The following RPH3A variants were observed in gnomAD, a reference collection of about 807,000 sequenced individuals.
RPH3A encodes the protein rabphilin 3A.
A neutral mutation model predicts 102.2 loss-of-function variants in RPH3A; 48 were observed. The observed-to-expected ratio is 0.47, with a 90% confidence interval of 0.37 to 0.60. The LOEUF (loss-of-function observed/expected upper bound fraction) is 0.60. RPH3A is among the 20% of genes least tolerant of loss of function. RPH3A has a pLI of 0.00. For missense variants in RPH3A, 781 were observed against 910.1 expected, an observed-to-expected ratio of 0.86 and a Z score of 1.83; for synonymous variants, 310 against 324.3, an observed-to-expected ratio of 0.96 and a Z score of 0.47.
intron 1 of RPH3A, among the ~76,000 whole-genome samples, chr12:112,706,045 C>G (rs1565853992): frequency 6.6e-6 from 1 of 152,194 alleles, no homozygotes; most frequent in South Asian, 2.1e-4. Flanking sequence ...CATTTCCTGA[C>G]AGTTGCATAG....
intron 1 of RPH3A, among the ~76,000 whole-genome samples, chr12:112,693,048 A>G (rs900933279): frequency 3.3e-5 from 5 of 152,234 alleles, no homozygotes; most frequent in Non-Finnish European, 7.3e-5. Flanking sequence ...GTTTCTATTC[A>G]TGAGTCTAAT....
chr12:112,779,892 C>T (rs1486789371), intron 1 of RPH3A, among the ~76,000 whole-genome samples: 1 of 152,046 alleles, frequency 6.6e-6, no homozygotes, highest in African/African-American at 2.4e-5. Context: ...GAAATGGACA[C>T]AGACATAAAA....
At chr12:112,774,016 C>T (rs915251349) in intron 1 of RPH3A, among the ~76,000 whole-genome samples, 4 of 138,488 alleles carry the variant, frequency 2.9e-5, no homozygotes, top group Admixed American at 7.8e-5. Context: ...GCCCGGGAGG[C>T]GGAGGTTGCA....
At chr12:112,786,378 C>T (rs544367568) in intron 1 of RPH3A, among the ~76,000 whole-genome samples, 9 of 152,186 alleles carry the variant, frequency 5.9e-5, no homozygotes, top group Non-Finnish European at 1.3e-4. Flanking sequence ...CTCTCTGTCT[C>T]GTGTTCTTTC....
intron 1 of RPH3A, among the ~76,000 whole-genome samples, chr12:112,587,362 A>T (rs1360708322): frequency 6.6e-6 from 1 of 152,266 alleles, no homozygotes; most frequent in Non-Finnish European, 1.5e-5. Context: ...GAGTGAAAGT[A>T]TCACATAGTG....
At chr12:112,805,100 AT>A (rs1170761212) in intron 2 of RPH3A, among the ~76,000 whole-genome samples, 1 of 152,206 alleles carries the variant, frequency 6.6e-6, no homozygotes, top group Non-Finnish European at 1.5e-5. Flanking sequence ...GTTAAAATAT[AT>A]TTTTTAAAAA....
At position 112,670,251 on chromosome 12, in the gene RPH3A, C is replaced by T. The variant is rs143737406; in HGVS notation, c.-140+94932C>T. Among the ~76,000 whole-genome samples, 335 of 152,216 alleles carry T rather than the reference C, an allele frequency of 2.2e-3. 2 individuals are homozygous for T. The highest frequency in any genetic ancestry group is 7.9e-3 in the African/African-American group (328 of 41,538). ...AGGCTGGAGTGCAGTGGTGCAATCT[C>T]GGCTCACTGCAACCTCTGTTTCCTG... On this transcript the variant is annotated intron_variant, in intron 1 of 21. Coordinates refer to the RPH3A transcript ENST00000543106.
chr12:112,690,916 A>G (rs1048838324), intron 1 of RPH3A, among the ~76,000 whole-genome samples: 2 of 152,196 alleles, frequency 1.3e-5, no homozygotes, highest in Non-Finnish European at 2.9e-5. Flanking sequence ...GCAGGAAAGG[A>G]GAGGGTAATT....
chr12:112,848,788 A>G (rs1244382261), intron 5 of RPH3A, among the ~76,000 whole-genome samples: 1 of 152,062 alleles, frequency 6.6e-6, no homozygotes, highest in African/African-American at 2.4e-5. Context: ...AAGGAGTGGC[A>G]TGGGTGTGGG....
intron 10 of RPH3A, among the ~76,000 whole-genome samples, chr12:112,873,696 C>A (rs957697225): frequency 1.3e-5 from 2 of 152,198 alleles, no homozygotes; most frequent in East Asian, 3.8e-4. Flanking sequence ...ATATTTAACC[C>A]CCACTACCTC....
intron 1 of RPH3A, among the ~76,000 whole-genome samples, chr12:112,619,175 G>GT: frequency 6.6e-6 from 1 of 151,246 alleles, no homozygotes; most frequent in Non-Finnish European, 1.5e-5. Context: ...TGGTGTTCAA[G>GT]TTTTTGTGTA....
chr12:112,854,749 C>T (rs187798957), intron 5 of RPH3A, among the ~76,000 whole-genome samples: 1 of 152,210 alleles, frequency 6.6e-6, no homozygotes, highest in African/African-American at 2.4e-5. Context: ...TAAACTGAAG[C>T]TCAGGGAAGT....
At chr12:112,617,496 G>A (rs532394179) in intron 1 of RPH3A, among the ~76,000 whole-genome samples, 1 of 152,258 alleles carries the variant, frequency 6.6e-6, no homozygotes, top group East Asian at 1.9e-4. Flanking sequence ...TTATTCCCCA[G>A]ATACTTACAA....
intron 2 of RPH3A, among the ~76,000 whole-genome samples, chr12:112,815,224 G>A (rs2041651173): frequency 6.6e-6 from 1 of 152,204 alleles, no homozygotes; most frequent in Non-Finnish European, 1.5e-5. Flanking sequence ...GAGGATGAAT[G>A]GGTCTGGAGG....
intron 1 of RPH3A, among the ~76,000 whole-genome samples, chr12:112,725,864 C>T (rs1423535593): frequency 6.6e-6 from 1 of 151,366 alleles, no homozygotes; most frequent in Non-Finnish European, 1.5e-5. Flanking sequence ...GATGCGATCT[C>T]GGCTCACTGC....
chr12:112,884,215 T>C (rs1420742630), intron 16 of RPH3A, among the ~76,000 whole-genome samples: 4 of 152,210 alleles, frequency 2.6e-5, no homozygotes, highest in African/African-American at 9.6e-5. Context: ...CAAACATCCA[T>C]GAACCCACCC....
chr12:112,775,665 A>G (rs918502031), intron 1 of RPH3A, among the ~76,000 whole-genome samples: 2 of 152,244 alleles, frequency 1.3e-5, no homozygotes, highest in Non-Finnish European at 2.9e-5. Context: ...ACCATGGACA[A>G]GGCAGAGTAA....
chr12:112,875,833 G>A, intron 12 of RPH3A, 92 bp downstream of exon 12: 1 of 1,129,120 alleles, frequency 8.9e-7, no homozygotes, highest in Non-Finnish European at 1.3e-6. Flanking sequence ...ACGTGACTCA[G>A]CCTGCACCCT....
chr12:112,603,512 GTA>G (rs1360732711), intron 1 of RPH3A, among the ~76,000 whole-genome samples: 2 of 152,122 alleles, frequency 1.3e-5, no homozygotes, highest in African/African-American at 4.8e-5. Context: ...TATAATGCTT[GTA>G]TATACATAGG....
Sources: gnomAD v4.1 joint callset for allele counts (sites outside exome capture counted in the v4.1 genomes callset) on GRCh38, gnomAD v4.1.1 for gene constraint, MANE v1.5 for transcripts, NCBI Gene and HGNC (gene_info 2026-07-23, HGNC 2026-07-21) for gene names.